Variants in STK32A observed in about 807,000 individuals in gnomAD.
The protein encoded by STK32A is serine/threonine kinase 32A.
Under a neutral mutation model 53.2 loss-of-function variants are expected in STK32A, and 41 were observed. That is an observed-to-expected ratio of 0.77 (90% confidence interval 0.60 to 1.00). The LOEUF is 1.00. Ranked by LOEUF, STK32A falls within the 50% of genes least tolerant of loss-of-function variation. The pLI is 0.00. For synonymous variants in STK32A, 166 were observed against 162.8 expected (o/e 1.02, Z -0.15); for missense variants, 458 against 485.8 (o/e 0.94, Z 0.54).
intron 10 of STK32A, 22 bp from the exon 11 acceptor site, chr5:147,375,068 G>A (rs752451509): frequency 6.3e-7 from 1 of 1,586,420 alleles, no homozygotes; most frequent in South Asian, 1.2e-5. Flanking sequence ...TCTGAGGATT[G>A]AGCCAACTGT....
At position 147,347,924 on chromosome 5, in the gene STK32A, T is replaced by A. The variant is rs536083753; in HGVS notation, c.473-3141T>A. ...AGCTCAGAAGCACCAGGTTACAAGA[T>A]CCAGTAGAACCTGACCCTCAAATAA... On this transcript the variant is annotated intron_variant, in intron 6 of 12. Coordinates refer to ENST00000397936, the MANE Select transcript of STK32A (RefSeq NM_001112724.2). 7.2e-5 allele frequency among the ~76,000 whole-genome samples: 11 copies of A among 152,242 alleles called. 1 individual carries two copies. The East Asian group carries it at 1.9e-3, about 27-fold the overall frequency.
intron 4 of STK32A, among the ~76,000 whole-genome samples, chr5:147,311,398 C>T (rs910551354): frequency 9.1e-4 from 139 of 152,240 alleles, no homozygotes; most frequent in African/African-American, 3.3e-3. Context: ...ATCGAATGAA[C>T]AAGTGCTCAT....
chr5:147,302,396 G>T (rs1114086), intron 4 of STK32A, among the ~76,000 whole-genome samples: 1 of 151,972 alleles, frequency 6.6e-6, no homozygotes, highest in African/African-American at 2.4e-5. Flanking sequence ...TCAGAGTTCC[G>T]AAGTGTAGAC....
At position 147,375,531 on chromosome 5, in the gene STK32A, A is replaced by G. The variant is rs139706486; in HGVS notation, c.1032+313A>G. The stretch of plus-strand genomic sequence containing the variant: ...AACTGTCATTGGCCAAGCTTAGGTC[A>G]GGGGATGATTCATAAAATTATGGTA... On this transcript the variant is annotated intron_variant, in intron 11 of 12. Transcript: ENST00000397936. 27 of 223,438 alleles carry G rather than the reference A, an allele frequency of 1.2e-4. No individual in the cohort carries two copies. In the East Asian group the frequency reaches 3.1e-3, roughly 26 times the overall value. The allele number at this position is 223,438 out of a possible 1,614,324, so 13.8% of individuals were successfully genotyped here.
At chr5:147,394,366 T>C in the STK32A span, among the ~76,000 whole-genome samples, 2 of 152,148 alleles carry the variant, frequency 1.3e-5, no homozygotes, top group African/African-American at 4.8e-5. Flanking sequence ...ACCCAGAGCA[T>C]GATAATAATA....
chr5:147,401,320 T>A, the STK32A span, among the ~76,000 whole-genome samples: 1 of 152,214 alleles, frequency 6.6e-6, no homozygotes, highest in East Asian at 1.9e-4. Flanking sequence ...AGGTTTTAAC[T>A]ACTATTACCA....
chr5:147,355,452 T>C (rs1756172950), intron 7 of STK32A, among the ~76,000 whole-genome samples: 1 of 151,878 alleles, frequency 6.6e-6, no homozygotes, highest in Non-Finnish European at 1.5e-5. Flanking sequence ...GGCGGGCAGA[T>C]CACAAGGTCA....
intron 1 of STK32A, among the ~76,000 whole-genome samples, chr5:147,238,282 C>T (rs1429596653): frequency 1.3e-5 from 2 of 152,206 alleles, no homozygotes; most frequent in Non-Finnish European, 2.9e-5. Flanking sequence ...GGAGCCATTG[C>T]CACCATTGTC....
intron 11 of STK32A, among the ~76,000 whole-genome samples, chr5:147,380,979 G>A (rs1158445): frequency 0.33 from 50,087 of 151,946 alleles, 9,756 homozygotes; most frequent in East Asian, 0.76. Flanking sequence ...GTGATTGTCC[G>A]ATGTATTTAC....
intron 4 of STK32A, among the ~76,000 whole-genome samples, chr5:147,315,013 G>GT (rs2151973486): frequency 6.6e-6 from 1 of 152,222 alleles, no homozygotes; most frequent in South Asian, 2.1e-4. Flanking sequence ...CCAAAGTGCT[G>GT]TAAGTATAGG....
intron 4 of STK32A, among the ~76,000 whole-genome samples, chr5:147,311,277 C>T (rs1285885005): frequency 2.0e-5 from 3 of 152,030 alleles, no homozygotes; most frequent in African/African-American, 7.2e-5. Context: ...ATTTGTTTAT[C>T]TTTTATAGAT....
chr5:147,364,373 C>T (rs187213026), intron 8 of STK32A, among the ~76,000 whole-genome samples: 305 of 152,204 alleles, frequency 2.0e-3, no homozygotes, highest in African/African-American at 7.1e-3. Flanking sequence ...TAACATGTTC[C>T]TCATTTCTGT....
At chr5:147,331,544 T>C (rs2151981874) in intron 5 of STK32A, among the ~76,000 whole-genome samples, 1 of 152,340 alleles carries the variant, frequency 6.6e-6, no homozygotes. Flanking sequence ...TTTAGATACA[T>C]ATTTTAGTGG....
intron 2 of STK32A, among the ~76,000 whole-genome samples, chr5:147,269,217 T>C (rs1754929981): frequency 6.6e-6 from 1 of 152,196 alleles, no homozygotes. Flanking sequence ...CTTATATAAA[T>C]GTTAGATGTT....
intron 6 of STK32A, among the ~76,000 whole-genome samples, chr5:147,349,123 C>T (rs1320752866): frequency 6.6e-6 from 1 of 152,206 alleles, no homozygotes; most frequent in African/African-American, 2.4e-5. Flanking sequence ...CAGAGACAAC[C>T]TACGCTATGA....
At chr5:147,236,216 G>A (rs1580965449) in intron 1 of STK32A, among the ~76,000 whole-genome samples, 1 of 152,262 alleles carries the variant, frequency 6.6e-6, no homozygotes, top group Admixed American at 6.5e-5. Flanking sequence ...TGGTATTAGG[G>A]AACTATTTCC....
intron 5 of STK32A, among the ~76,000 whole-genome samples, chr5:147,337,397 C>T (rs1755188599): frequency 6.6e-6 from 1 of 152,110 alleles, no homozygotes; most frequent in South Asian, 2.1e-4. Flanking sequence ...ACTGGAAAGT[C>T]AAGTTTCTTA....
At chr5:147,362,370 C>T (rs923199604) in intron 8 of STK32A, among the ~76,000 whole-genome samples, 5 of 152,138 alleles carry the variant, frequency 3.3e-5, no homozygotes, top group Non-Finnish European at 7.4e-5. Context: ...TTTTGGCTTG[C>T]AGATAGCAGC....
In STK32A at chr5:147,351,166, A is replaced by G. The variant is rs752162231; in HGVS notation, c.562+12A>G. On this transcript the variant is annotated intron_variant, in intron 7 of 12. Coordinates refer to ENST00000397936, the MANE Select transcript of STK32A (RefSeq NM_001112724.2). ...CAAGCCTTACATGGGTATGGGTTTC[A>G]TGAGTGTCTTTTTTTTTTCTTTCCT... The G allele has an allele frequency of 2.5e-6, 4 of 1,605,958 alleles. No individual in the cohort carries two copies. In the South Asian group the frequency reaches 4.4e-5, roughly 18 times the overall value.
Sources: gnomAD v4.1 joint callset for allele counts (sites outside exome capture counted in the v4.1 genomes callset) on GRCh38, gnomAD v4.1.1 for gene constraint, MANE v1.5 for transcripts, NCBI Gene and HGNC (gene_info 2026-07-23, HGNC 2026-07-21) for gene names.